Variants in TAB2 observed in about 807,000 individuals in gnomAD.
TAB2 encodes TGF-beta activated kinase 1 (MAP3K7) binding protein 2, also known as TGF-beta-activated kinase 1 and MAP3K7-binding protein 2.
In TAB2, 3 loss-of-function variants were observed where a neutral mutation model predicts 65.0. The ratio of observed to expected loss-of-function variants is 0.05; its 90% CI spans 0.02 to 0.12. The LOEUF (loss-of-function observed/expected upper bound fraction) is 0.12, where lower values mean the gene tolerates loss of function less well. Among genes scored for constraint, TAB2 ranks in the 10% least tolerant of loss-of-function variants. TAB2 has a pLI of 1.00. For missense variants in TAB2, 623 were observed against 840.3 expected (o/e 0.74, Z 3.20); for synonymous variants, 298 against 285.1 (o/e 1.05, Z -0.46).
chr6:149,294,576 A>G (rs1778841867), intron 1 of TAB2, among the ~76,000 whole-genome samples: 1 of 152,270 alleles, frequency 6.6e-6, no homozygotes, highest in African/African-American at 2.4e-5. Flanking sequence ...TTTCATAAGC[A>G]AAGTAAAACA....
intron 1 of TAB2, among the ~76,000 whole-genome samples, chr6:149,368,906 T>A (rs142524604): frequency 6.6e-6 from 1 of 152,262 alleles, no homozygotes; most frequent in East Asian, 1.9e-4. Context: ...TTTAAATATC[T>A]ACTCTTATGC....
chr6:149,381,852 C>T (rs1237997708), intron 3 of TAB2, among the ~76,000 whole-genome samples: 1 of 152,026 alleles, frequency 6.6e-6, no homozygotes, highest in Admixed American at 6.6e-5. Context: ...GGATTACAGG[C>T]GTGACCTCCA....
At chr6:149,284,180 C>T (rs1778627698) in intron 1 of TAB2, among the ~76,000 whole-genome samples, 2 of 152,182 alleles carry the variant, frequency 1.3e-5, no homozygotes, top group South Asian at 2.1e-4. Flanking sequence ...TTTCTCACCA[C>T]TCTCTGCATC....
chr6:149,398,745 GTTACTT>G (rs1782262435), intron 5 of TAB2, among the ~76,000 whole-genome samples: 1 of 152,140 alleles, frequency 6.6e-6, no homozygotes, highest in South Asian at 2.1e-4. Context: ...AAGCTGTTTA[GTTACTT>G]AAGTCCATGT....
intron 1 of TAB2, among the ~76,000 whole-genome samples, chr6:149,235,150 T>A (rs187779179): frequency 6.6e-6 from 1 of 152,354 alleles, no homozygotes; most frequent in East Asian, 1.9e-4. Flanking sequence ...CAAGTTCTGT[T>A]TGCATTCATA....
In TAB2 at chr6:149,357,430, A is replaced by AAAAACACACACAC; in HGVS notation, c.-89-12478_-89-12477insAAACACACACACA. ...GACTCCGTCTCAAGGAGAAAAAAAAAACACACACACACACACACACACACA... is the reference window on the plus strand; with the variant it reads ...GACTCCGTCTCAAGGAGAAAAAAAAAAAAACACACACACACACACACACACACACACACACACA... On this transcript the variant is annotated intron_variant, in intron 1 of 6. Coordinates refer to ENST00000637181, the MANE Select transcript of TAB2 (RefSeq NM_001292034.3). Among the ~76,000 whole-genome samples, 315 of 111,122 alleles carry AAAAACACACACAC rather than the reference A, an allele frequency of 2.8e-3. 2 individuals carry two copies. The highest frequency in any genetic ancestry group is 5.0e-3 in the East Asian group (16 of 3,190). 72.9% of individuals were successfully genotyped at this position (111,122 alleles called of 152,430 possible). A position where few individuals can be genotyped will look rare whatever the true frequency, so the allele number is the denominator to read the frequency against.
chr6:149,358,358 T>C (rs1780736623), intron 1 of TAB2, among the ~76,000 whole-genome samples: 1 of 152,204 alleles, frequency 6.6e-6, no homozygotes, highest in African/African-American at 2.4e-5. Flanking sequence ...TCTTAAGTAC[T>C]TATGTGAAAT....
chr6:149,258,862 T>C (rs1266445115), intron 1 of TAB2, among the ~76,000 whole-genome samples: 6 of 152,212 alleles, frequency 3.9e-5, no homozygotes, highest in Admixed American at 3.9e-4. Context: ...GAGATTATTC[T>C]GGATGATTCT....
chr6:149,275,861 C>T (rs1253762199), intron 1 of TAB2, among the ~76,000 whole-genome samples: 1 of 152,150 alleles, frequency 6.6e-6, no homozygotes, highest in Non-Finnish European at 1.5e-5. Flanking sequence ...TCCAAAATAA[C>T]CTGATCGGTA....
At chr6:149,258,549 A>C (rs772375447) in intron 1 of TAB2, among the ~76,000 whole-genome samples, 2 of 152,188 alleles carry the variant, frequency 1.3e-5, no homozygotes, top group African/African-American at 2.4e-5. Context: ...ACATACAACT[A>C]TTCTTTGCTG....
intron 3 of TAB2, among the ~76,000 whole-genome samples, chr6:149,396,793 G>A (rs1782186537): frequency 6.6e-6 from 1 of 152,202 alleles, no homozygotes; most frequent in Non-Finnish European, 1.5e-5. Flanking sequence ...AGTGGCAATT[G>A]GGATAATTTA....
intron 6 of TAB2, among the ~76,000 whole-genome samples, chr6:149,404,145 C>T (rs1227765779): frequency 6.6e-6 from 1 of 152,072 alleles, no homozygotes; most frequent in East Asian, 1.9e-4. Context: ...GACACAAAAA[C>T]AATGTACAGA....
chr6:149,397,921 T>G, intron 4 of TAB2, 48 bp from the exon 5 acceptor site: 1 of 1,591,534 alleles, frequency 6.3e-7, no homozygotes, highest in Non-Finnish European at 8.6e-7. Context: ...TATTAACTAA[T>G]GACTAAGAAT....
At chr6:149,364,481 CAG>C (rs1445862021) in intron 1 of TAB2, among the ~76,000 whole-genome samples, 1 of 151,698 alleles carries the variant, frequency 6.6e-6, no homozygotes, top group Non-Finnish European at 1.5e-5. Context: ...GCAGAAGACG[CAG>C]ACAGAAGATA....
chr6:149,258,331 A>G (rs2114664528), intron 1 of TAB2, among the ~76,000 whole-genome samples: 1 of 152,132 alleles, frequency 6.6e-6, no homozygotes, highest in Non-Finnish European at 1.5e-5. Context: ...TCATTCAGTG[A>G]TGTCACTGAA....
intron 1 of TAB2, among the ~76,000 whole-genome samples, chr6:149,267,010 A>G (rs1778276470): frequency 6.6e-6 from 1 of 152,192 alleles, no homozygotes; most frequent in Admixed American, 6.5e-5. Flanking sequence ...TGAATTTTAG[A>G]AGATTAAAGT....
At chr6:149,401,722 C>A (rs1379623403) in intron 6 of TAB2, among the ~76,000 whole-genome samples, 1 of 151,974 alleles carries the variant, frequency 6.6e-6, no homozygotes, top group African/African-American at 2.4e-5. Flanking sequence ...TGTTAGTTCA[C>A]AAAACGAGTT....
upstream of TAB2, among the ~76,000 whole-genome samples, chr6:149,314,864 T>C (rs2114715274): frequency 7.7e-6 from 1 of 129,994 alleles, no homozygotes; most frequent in Admixed American, 8.0e-5. Context: ...AGGAACTATA[T>C]CTTTTTTTTT....
intron 1 of TAB2, among the ~76,000 whole-genome samples, chr6:149,219,117 G>A (rs1386007082): frequency 2.0e-5 from 3 of 152,068 alleles, no homozygotes; most frequent in Non-Finnish European, 2.9e-5. Context: ...GGCTGGGAGC[G>A]TTCAGTGACA....
Sources: allele counts gnomAD v4.1 joint callset (sites outside exome capture counted in the v4.1 genomes callset), GRCh38; gene constraint gnomAD v4.1.1; transcripts MANE v1.5; gene names NCBI Gene and HGNC (gene_info 2026-07-23, HGNC 2026-07-21).